The following SECISBP2L variants were observed in gnomAD, a reference collection of about 807,000 sequenced individuals.
SECISBP2L encodes selenocysteine insertion sequence-binding protein 2-like.
Under a neutral mutation model 114.7 loss-of-function variants are expected in SECISBP2L, and 43 were observed. The observed-to-expected ratio is 0.38, with a 90% confidence interval of 0.29 to 0.48. SECISBP2L has a LOEUF of 0.48. SECISBP2L is among the 20% of genes least tolerant of loss of function. The probability of loss-of-function intolerance (pLI) is 0.98; values close to 1 mark genes in which losing one functional copy is unlikely to be tolerated. For missense variants in SECISBP2L, 1,136 were observed against 1,301.1 expected (o/e 0.87, Z 1.95); for synonymous variants, 451 against 439.7 (o/e 1.03, Z -0.32).
intron 1 of SECISBP2L, among the ~76,000 whole-genome samples, chr15:49,041,938 T>C (rs777100300): frequency 6.2e-4 from 94 of 152,192 alleles, no homozygotes; most frequent in Admixed American, 5.9e-4. Context: ...ACACAGTACT[T>C]ACACGTGTAA....
At chr15:49,033,916 T>TA (rs1902949197) in intron 3 of SECISBP2L, among the ~76,000 whole-genome samples, 3 of 152,168 alleles carry the variant, frequency 2.0e-5, no homozygotes, top group Admixed American at 2.0e-4. Flanking sequence ...AATAGCAACT[T>TA]ACACAATAGA....
chr15:49,043,212 T>C (rs1903177511), intron 1 of SECISBP2L, among the ~76,000 whole-genome samples: 1 of 152,168 alleles, frequency 6.6e-6, no homozygotes. Context: ...AAATAACTTA[T>C]TTAGAATACA....
At chr15:49,037,873 G>A (rs1903045881) in intron 1 of SECISBP2L, 104 bp from the exon 2 acceptor site, 1 of 839,676 alleles carries the variant, frequency 1.2e-6, no homozygotes, top group Non-Finnish European at 1.7e-6. Context: ...CAGTAATTAG[G>A]TCTCTTCTCA....
chr15:49,008,562 G>C (rs186778769), intron 14 of SECISBP2L, among the ~76,000 whole-genome samples: 137 of 152,226 alleles, frequency 9.0e-4, no homozygotes, highest in Non-Finnish European at 1.7e-3. Context: ...CAAAAACAAT[G>C]GTATAGGGAA....
chr15:49,004,576 T>C (rs910291774), intron 14 of SECISBP2L, among the ~76,000 whole-genome samples: 2 of 152,228 alleles, frequency 1.3e-5, no homozygotes, highest in African/African-American at 2.4e-5. Context: ...TTTAGTGCTA[T>C]AAATTTCCCT....
At chr15:49,037,461 A>T (rs1312090315) in intron 2 of SECISBP2L, 130 bp downstream of exon 2, 1 of 762,898 alleles carries the variant, frequency 1.3e-6, no homozygotes, top group Admixed American at 3.1e-5. Context: ...AAATTTCAGT[A>T]TCATTTTATT....
At chr15:49,045,777 C>T (rs1903234295) in intron 1 of SECISBP2L, among the ~76,000 whole-genome samples, 5 of 152,072 alleles carry the variant, frequency 3.3e-5, no homozygotes, top group Admixed American at 3.3e-4. Flanking sequence ...AAAAGAAACA[C>T]CTCCGTAAAA....
At position 49,019,525 on chromosome 15, in the gene SECISBP2L, T is replaced by C; in HGVS notation, c.1063A>G (p.Thr355Ala). Residue 355 changes from threonine (T) to alanine (A), a missense_variant, in exon 8 of 18, where the codon ACT (threonine) becomes GCT (alanine). This residue lies in a region of SECISBP2L where 452 missense variants were observed against 452.3 expected (regional missense o/e 1.00). Coordinates refer to ENST00000559471, the MANE Select transcript of SECISBP2L (RefSeq NM_001193489.2). The part of the protein sequence containing the change: ...QVGFRCRGHS[T>A]SSERRQNLQK... ...AAATTCTGTCTTCTTTCTGAGGAAG[T>C]ACTGTGTCCTCGGCATCTGAATCCA... 6.6e-7 allele frequency: 1 copy of C among 1,507,282 alleles called. No homozygotes were observed. Among genetic ancestry groups the C allele is most frequent in the South Asian group, 1.3e-5 (1 of 78,788 alleles). 93.4% of individuals were successfully genotyped at this position (1,507,282 alleles called of 1,614,324 possible).
chr15:48,999,902 A>G lies in SECISBP2L; in HGVS notation c.2334T>C (p.Ala778=). The change falls in exon 16 of 18, where the codon GCT becomes GCC. Residue 778 remains alanine (A), a synonymous_variant. Coordinates refer to ENST00000559471, the MANE Select transcript of SECISBP2L (RefSeq NM_001193489.2). The part of the protein sequence containing the change: ...IPFVFALGRK[A]LGRCVNKLVP... ...CCAGCTTGTTCACACAGCGTCCTAG[A>G]GCTTTCCTTCCAAGGGCAAACACAA... The G allele has an allele frequency of 1.2e-6, 2 of 1,614,058 alleles. No homozygotes were observed. Among genetic ancestry groups the G allele is most frequent in the African/African-American group, 1.3e-5 (1 of 75,036 alleles).
intron 12 of SECISBP2L, 47 bp from the exon 13 acceptor site, chr15:49,011,910 G>A: frequency 1.9e-6 from 3 of 1,589,000 alleles, no homozygotes; most frequent in Non-Finnish European, 2.6e-6. Context: ...CTCTTCAACT[G>A]TGTACAAATG....
chr15:48,997,647 G>C (rs566533590), intron 16 of SECISBP2L, among the ~76,000 whole-genome samples: 69 of 152,298 alleles, frequency 4.5e-4, no homozygotes, highest in Non-Finnish European at 8.7e-4. Context: ...GGGAGGCCAA[G>C]GCAAGAGAGG....
chr15:48,992,751 T>A lies in SECISBP2L; in HGVS notation c.2799A>T (p.Thr933=). The A allele has an allele frequency of 6.2e-7, 1 of 1,614,204 alleles. No homozygotes were observed. The highest frequency in any genetic ancestry group is 8.5e-7 in the Non-Finnish European group (1 of 1,180,028). ...CACTTGCTGTGGATTTCCCAGCACTTGTAGCTGAGGTAGTACTGCCTGTAG... is the reference window on the plus strand; with the variant it reads ...CACTTGCTGTGGATTTCCCAGCACTAGTAGCTGAGGTAGTACTGCCTGTAG... ...LVATGSTTSA[T]SAGKSTASDK... Residue 933 remains threonine, a synonymous_variant, in exon 18 of 18, where the codon ACA becomes ACT. Coordinates refer to ENST00000559471, the MANE Select transcript of SECISBP2L (RefSeq NM_001193489.2).
Position 49,027,406 on chromosome 15 carries a change from A to G in SECISBP2L, c.994T>C (p.Ser332Pro). The change falls in exon 7 of 18, where the codon TCT (serine) becomes CCT (proline). Residue 332 changes from serine (S) to proline (P), a missense_variant. By Grantham distance (74) the Ser-to-Pro change is moderately conservative (BLOSUM62 -1). Transcript: ENST00000559471. The part of the protein sequence containing the change: ...KPWMEKNQTF[S>P]RGGRQTEQRN... ...TGTTCAGTTTGCCTTCCACCTCTAGAAAATGTCTGATTTTTTTCCATCCAA... is the reference window on the plus strand; with the variant it reads ...TGTTCAGTTTGCCTTCCACCTCTAGGAAATGTCTGATTTTTTTCCATCCAA... The G allele has an allele frequency of 6.2e-7, 1 of 1,611,328 alleles. No homozygotes were observed. The highest frequency in any genetic ancestry group is 8.5e-7 in the Non-Finnish European group (1 of 1,178,238).
intron 4 of SECISBP2L, among the ~76,000 whole-genome samples, chr15:49,030,502 T>C (rs1902863671): frequency 6.6e-6 from 1 of 152,198 alleles, no homozygotes; most frequent in East Asian, 1.9e-4. Flanking sequence ...ATCATTCTCT[T>C]ATTGATTCAT....
intron 1 of SECISBP2L, among the ~76,000 whole-genome samples, chr15:49,041,918 C>A (rs897582260): frequency 1.4e-4 from 21 of 152,176 alleles, no homozygotes; most frequent in African/African-American, 4.1e-4. Flanking sequence ...GATTAAAATG[C>A]CGAAACAAAA....
intron 5 of SECISBP2L, 114 bp downstream of exon 5, chr15:49,028,339 T>C: frequency 2.8e-6 from 3 of 1,064,362 alleles, no homozygotes; most frequent in South Asian, 3.1e-5. Context: ...TTTGTAACTA[T>C]CCTATTACTA....
At position 49,023,301 on chromosome 15, in the gene SECISBP2L, G is replaced by A. The variant is rs532708671; in HGVS notation, c.1036-3749C>T. On this transcript the variant is annotated intron_variant, in intron 7 of 17. Coordinates refer to ENST00000559471, the MANE Select transcript of SECISBP2L (RefSeq NM_001193489.2). ...AAAAAATGAGCAAAGGATAGGACCA[G>A]GTAAGTTCACAGGAAAAGAAGTAAA... Among the ~76,000 whole-genome samples the A allele has an allele frequency of 3.9e-5, 6 of 152,238 alleles. No homozygotes were observed. In the South Asian group the frequency reaches 1.0e-3, roughly 26 times the overall value.
chr15:49,041,019 C>T (rs920497176), intron 1 of SECISBP2L, among the ~76,000 whole-genome samples: 1 of 151,860 alleles, frequency 6.6e-6, no homozygotes, highest in Non-Finnish European at 1.5e-5. Flanking sequence ...CGTTATTCCT[C>T]AGTTTGAATT....
Position 49,035,533 on chromosome 15 carries a change from T to C in SECISBP2L, c.329A>G (p.Gln110Arg). 1 of 1,614,232 alleles carries C rather than the reference T, an allele frequency of 6.2e-7. No homozygotes were observed. The highest frequency in any genetic ancestry group is 8.5e-7 in the Non-Finnish European group (1 of 1,180,030). ...CTGGGCACATGGTGCTGGCATCAGCTGATAATATGTATACTCTGTAGAAAC... is the reference window on the plus strand; with the variant it reads ...CTGGGCACATGGTGCTGGCATCAGCCGATAATATGTATACTCTGTAGAAAC... ...PPVSTEYTYY[Q>R]LMPAPCAQVM... The change falls in exon 3 of 18, where the codon CAG becomes CGG. Residue 110 changes from glutamine to arginine, a missense_variant. Around this residue, in one of 2 missense-constraint regions of SECISBP2L, gnomAD observed 452 missense variants for 452.3 expected, o/e 1.00. Transcript: ENST00000559471.
Sources: allele counts gnomAD v4.1 joint callset (sites outside exome capture counted in the v4.1 genomes callset), GRCh38; gene constraint gnomAD v4.1.1; regional missense constraint gnomAD v4.1.1; transcripts MANE v1.5; gene names NCBI Gene and HGNC (gene_info 2026-07-23, HGNC 2026-07-21).